Variants in PDK1 observed in about 807,000 individuals in gnomAD.
PDK1 encodes pyruvate dehydrogenase kinase 1, also known as [Pyruvate dehydrogenase (acetyl-transferring)] kinase isozyme 1, mitochondrial.
In PDK1, 39 loss-of-function variants were observed where a neutral mutation model predicts 54.2. That is an observed-to-expected ratio of 0.72 (90% CI 0.56 to 0.94). The LOEUF (loss-of-function observed/expected upper bound fraction) is 0.94. Among genes scored for constraint, PDK1 ranks in the 40% least tolerant of loss-of-function variants. The probability of loss-of-function intolerance (pLI) is 0.00; values close to 1 mark genes in which losing one functional copy is unlikely to be tolerated. For missense variants in PDK1, 552 were observed against 566.0 expected (o/e 0.98, Z 0.25); for synonymous variants, 221 against 207.1 (o/e 1.07, Z -0.58).
chr2:172,596,075 A>G lies in PDK1; in HGVS notation c.*106A>G, dbSNP rs1530864. The G allele has an allele frequency of 0.047, 45,749 of 966,550 alleles. 1,779 individuals are homozygous for G. The highest frequency in any genetic ancestry group is 0.18 in the East Asian group (6,861 of 37,578). The allele number at this position is 966,550 out of a possible 1,614,324, so 59.9% of individuals were successfully genotyped here. ...CAAGTACTTTATTTATCGTTTTCACAAAACTATTTGAGTAGAATAAATGGA... is the reference window on the plus strand; with the variant it reads ...CAAGTACTTTATTTATCGTTTTCACGAAACTATTTGAGTAGAATAAATGGA... On this transcript the variant is annotated 3_prime_UTR_variant, in exon 11 of 11. Transcript: ENST00000282077.
chr2:172,557,893 C>T (rs1320281865), intron 1 of PDK1, among the ~76,000 whole-genome samples: 2 of 152,086 alleles, frequency 1.3e-5, no homozygotes, highest in African/African-American at 4.8e-5. Context: ...TACTCTGTCA[C>T]CCAGGCTGGA....
the PDK1 span, among the ~76,000 whole-genome samples, chr2:172,647,411 A>G: frequency 6.6e-6 from 1 of 152,204 alleles, no homozygotes; most frequent in African/African-American, 2.4e-5. Flanking sequence ...GAGAAGCTGT[A>G]AAATGCAAGT....
Position 172,568,827 on chromosome 2 carries a change from A to G in PDK1, c.846+10A>G. 2 of 1,458,618 alleles carry G rather than the reference A, an allele frequency of 1.4e-6. No individual in the cohort carries two copies. The highest frequency in any genetic ancestry group is 1.7e-5 in the Admixed American group (1 of 59,834). 90.4% of individuals were successfully genotyped at this position (1,458,618 alleles called of 1,614,324 possible). ...GTTTGAACTTTTCAAGGTTTGTAAA[A>G]TAGTATTACATAACCTTTACCAGTA... On this transcript the variant is annotated intron_variant, in intron 7 of 10. Coordinates refer to ENST00000282077, the MANE Select transcript of PDK1 (RefSeq NM_002610.5).
At chr2:172,589,820 ATGTTT>A (rs1574525468) in intron 9 of PDK1, among the ~76,000 whole-genome samples, 3 of 152,202 alleles carry the variant, frequency 2.0e-5, no homozygotes, top group Non-Finnish European at 2.9e-5. Flanking sequence ...ATTTATCCAG[ATGTTT>A]TGTTTTGTAT....
At chr2:172,721,867 C>G in the PDK1 span, among the ~76,000 whole-genome samples, 2 of 152,356 alleles carry the variant, frequency 1.3e-5, no homozygotes, top group East Asian at 1.9e-4. Flanking sequence ...TTTCCCAGAA[C>G]AGCCTCTCTT....
the PDK1 span, among the ~76,000 whole-genome samples, chr2:172,617,845 T>C: frequency 1.3e-5 from 2 of 152,224 alleles, no homozygotes; most frequent in South Asian, 2.1e-4. Flanking sequence ...ACATTTTCTA[T>C]GTATATGCAA....
chr2:172,622,532 A>G, the PDK1 span, among the ~76,000 whole-genome samples: 2 of 148,030 alleles, frequency 1.4e-5, no homozygotes, highest in Admixed American at 6.7e-5. Flanking sequence ...ATCATATATT[A>G]TGTGAGATAT....
chr2:172,693,778 T>C, the PDK1 span, among the ~76,000 whole-genome samples: 150,785 of 152,262 alleles, frequency 0.99, 74,689 homozygotes, highest in Middle Eastern at 1. Flanking sequence ...AGAAAGCCCA[T>C]ATTCCCCTCA....
chr2:172,671,168 T>C, the PDK1 span, among the ~76,000 whole-genome samples: 2 of 151,638 alleles, frequency 1.3e-5, no homozygotes, highest in African/African-American at 4.8e-5. Context: ...CTTTATCATA[T>C]ATTGTAGGAT....
intron 8 of PDK1, among the ~76,000 whole-genome samples, chr2:172,571,417 G>A (rs1042279123): frequency 2.0e-5 from 3 of 152,202 alleles, no homozygotes; most frequent in Non-Finnish European, 2.9e-5. Context: ...AGGCTGGAGT[G>A]CAGTGGTGTG....
rs1181144678 is a variant in PDK1 at position 172,599,492 on chromosome 2, G to A, written c.*3523G>A. The A allele has an allele frequency of 6.6e-6, 1 of 152,106 alleles. No individual in the cohort carries two copies. Among genetic ancestry groups the A allele is most frequent in the African/African-American group, 2.4e-5 (1 of 41,432 alleles). 9.4% of individuals were successfully genotyped at this position (152,106 alleles called of 1,614,324 possible). A position where few individuals can be genotyped will look rare whatever the true frequency, so the allele number is the denominator to read the frequency against. ...ATATGGGTAATCAGGGTTGAGTTAG[G>A]TAGTTTGCAAACATGACTTTTGCTG... On this transcript the variant is annotated 3_prime_UTR_variant, in exon 11 of 11. Transcript: ENST00000282077.
the PDK1 span, among the ~76,000 whole-genome samples, chr2:172,691,569 A>T: frequency 6.6e-6 from 1 of 152,174 alleles, no homozygotes; most frequent in South Asian, 2.1e-4. Flanking sequence ...CTGCCTATTC[A>T]TCCCTCCCTC....
At chr2:172,587,139 T>C (rs1035602440) in intron 9 of PDK1, among the ~76,000 whole-genome samples, 5 of 152,190 alleles carry the variant, frequency 3.3e-5, no homozygotes, top group Non-Finnish European at 5.9e-5. Flanking sequence ...TCTGATAGTT[T>C]TGTGTCCGGA....
chr2:172,591,248 G>A (rs1690561181), intron 9 of PDK1, among the ~76,000 whole-genome samples: 1 of 152,198 alleles, frequency 6.6e-6, no homozygotes, highest in Admixed American at 6.5e-5. Flanking sequence ...CCTAGAAAGG[G>A]GAGAAGCCAT....
At chr2:172,678,926 T>C in the PDK1 span, 1 of 152,226 alleles carries the variant, frequency 6.6e-6, no homozygotes, top group African/African-American at 2.4e-5. Flanking sequence ...GCAGGCAAAG[T>C]GAAGCAGGGA....
chr2:172,586,470 G>T, intron 9 of PDK1, 82 bp downstream of exon 9: 2 of 755,614 alleles, frequency 2.6e-6, no homozygotes, highest in Admixed American at 2.1e-5. Context: ...AAGTTAAGCC[G>T]TCATGTAGGG....
chr2:172,615,958 C>T, the PDK1 span, among the ~76,000 whole-genome samples: 2 of 152,328 alleles, frequency 1.3e-5, no homozygotes, highest in Admixed American at 1.3e-4. Flanking sequence ...TATGGGGACA[C>T]AGCTACGAAC....
chr2:172,685,806 C>T, the PDK1 span, among the ~76,000 whole-genome samples: 5 of 152,162 alleles, frequency 3.3e-5, no homozygotes, highest in African/African-American at 1.2e-4. Context: ...TTCCATACCA[C>T]CTCATTCGAT....
chr2:172,701,122 A>G, the PDK1 span, among the ~76,000 whole-genome samples: 1 of 152,190 alleles, frequency 6.6e-6, no homozygotes, highest in African/African-American at 2.4e-5. Flanking sequence ...ACATGGTGTT[A>G]GAAGTCATGG....
Sources: allele counts gnomAD v4.1 joint callset (sites outside exome capture counted in the v4.1 genomes callset), GRCh38; gene constraint gnomAD v4.1.1; transcripts MANE v1.5; gene names NCBI Gene and HGNC (gene_info 2026-07-23, HGNC 2026-07-21).